KREMEN1: variants seen among roughly 807,000 people sequenced by gnomAD.
KREMEN1 encodes kremen protein 1.
KREMEN1 carries 30 observed loss-of-function variants against 46.5 expected under a neutral mutation model. The observed-to-expected ratio is 0.65, with a 90% CI of 0.48 to 0.88. The LOEUF (loss-of-function observed/expected upper bound fraction) is 0.88, where lower values mean the gene tolerates loss of function less well. Among genes scored for constraint, KREMEN1 ranks in the 40% least tolerant of loss-of-function variants. KREMEN1 has a pLI of 0.00. For synonymous variants in KREMEN1, 214 were observed against 230.6 expected (o/e 0.93, Z 0.65); for missense variants, 533 against 596.9 (o/e 0.89, Z 1.11).
chr22:29,079,708 C>A (rs1192670863), intron 1 of KREMEN1, among the ~76,000 whole-genome samples: 2 of 152,204 alleles, frequency 1.3e-5, no homozygotes, highest in Non-Finnish European at 2.9e-5. Flanking sequence ...TGATTCAGAG[C>A]GGCTGTAGCT....
At chr22:29,153,797 A>T (rs1025227717) in intron 9 of KREMEN1, among the ~76,000 whole-genome samples, 1 of 152,060 alleles carries the variant, frequency 6.6e-6, no homozygotes, top group African/African-American at 2.4e-5. Flanking sequence ...CCTGGCCAAC[A>T]TGTTGAAACC....
rs548088004 is a variant in KREMEN1 at position 29,144,197 on chromosome 22, A to G, written c.*2085A>G. 2.0e-6 allele frequency: 2 copies of G among 985,556 alleles called. No homozygotes were observed. The highest frequency in any genetic ancestry group is 6.1e-5 in the Admixed American group (1 of 16,280). 61.1% of individuals were successfully genotyped at this position (985,556 alleles called of 1,614,324 possible). ...TGCAGCACTTTGCCTACCTCCCCCA[A>G]GCCCTGAGCCACTGCCTGCTGGGGC... On this transcript the variant is annotated 3_prime_UTR_variant, in exon 9 of 9. Coordinates refer to ENST00000400335, the MANE Select transcript of KREMEN1 (RefSeq NM_001039570.3).
rs1440941048 is a variant in KREMEN1, at chr22:29,167,403, C to T, written c.*297C>T. The stretch of plus-strand genomic sequence containing the variant: ...AGAGAAACGGTGTCCTCCGCACAGC[C>T]GGTCAGAACTGTGTGACTCACTTGA... On this transcript the variant is annotated 3_prime_UTR_variant, in exon 10 of 10. Transcript: ENST00000327813. 14 of 394,258 alleles carry T rather than the reference C, an allele frequency of 3.6e-5. 2 individuals are homozygous for T. The highest frequency in any genetic ancestry group is 2.0e-4 in the South Asian group (7 of 34,446). The allele number at this position is 394,258 out of a possible 1,614,324, so 24.4% of individuals were successfully genotyped here. A position where few individuals can be genotyped will look rare whatever the true frequency, so the allele number is the denominator to read the frequency against.
chr22:29,123,608 A>G (rs142345672), intron 4 of KREMEN1, among the ~76,000 whole-genome samples: 4,210 of 152,276 alleles, frequency 0.028, 121 homozygotes, highest in African/African-American at 0.076. Context: ...CCTGGCCAAC[A>G]TGGCAAAACC....
At chr22:29,166,841 G>A (rs2039056649) in intron 9 of KREMEN1, among the ~76,000 whole-genome samples, 1 of 152,180 alleles carries the variant, frequency 6.6e-6, no homozygotes. Flanking sequence ...GCTGAGGCAG[G>A]AAGATCGCTG....
Position 29,146,543 on chromosome 22 carries a change from C to G in KREMEN1, c.*4431C>G, listed in dbSNP as rs1167002409. 14 of 985,690 alleles carry G rather than the reference C, an allele frequency of 1.4e-5. No individual in the cohort carries two copies. The highest frequency in any genetic ancestry group is 1.6e-5 in the Non-Finnish European group (13 of 829,940). 61.1% of individuals were successfully genotyped at this position (985,690 alleles called of 1,614,324 possible). A position where few individuals can be genotyped will look rare whatever the true frequency, so the allele number is the denominator to read the frequency against. On this transcript the variant is annotated 3_prime_UTR_variant, in exon 9 of 9. Coordinates refer to ENST00000400335, the MANE Select transcript of KREMEN1 (RefSeq NM_001039570.3). Reference sequence around the variant, plus strand: ...ATCGTGGGTCTCATGCACGTCAAGACCTTCCCACATCCAAACTCAGCTTCC... The same window carrying G: ...ATCGTGGGTCTCATGCACGTCAAGAGCTTCCCACATCCAAACTCAGCTTCC...
At chr22:29,133,255 A>AG (rs942887945) in intron 5 of KREMEN1, among the ~76,000 whole-genome samples, 24 of 151,096 alleles carry the variant, frequency 1.6e-4, no homozygotes, top group African/African-American at 5.9e-4. Context: ...CTCAAAAAAA[A>AG]AAAAAAGAAA....
At chr22:29,136,561 G>A (rs117943837) in intron 5 of KREMEN1, among the ~76,000 whole-genome samples, 6,487 of 147,216 alleles carry the variant, frequency 0.044, 216 homozygotes, top group Non-Finnish European at 0.071. Flanking sequence ...GGAGACAGAC[G>A]GAGACTCCTT....
intron 3 of KREMEN1, among the ~76,000 whole-genome samples, chr22:29,118,546 G>A (rs546072419): frequency 6.6e-6 from 1 of 152,268 alleles, no homozygotes; most frequent in East Asian, 1.9e-4. Context: ...GCCTGGTGAG[G>A]CCTCTCTTCC....
rs1161045396 is a variant in KREMEN1 at position 29,158,270 on chromosome 22, T to G, written c.1417-8774T>G. The stretch of plus-strand genomic sequence containing the variant: ...CCATGGCAGTAGAGGGACAAAATGA[T>G]GCCGGAGCAAGAGACAGAGTCCCCC... On this transcript the variant is annotated intron_variant, in intron 9 of 9. Coordinates refer to the KREMEN1 transcript ENST00000327813. 2.6e-5 allele frequency among the ~76,000 whole-genome samples: 4 copies of G among 152,282 alleles called. 1 individual carries two copies. The Middle Eastern group carries it at 0.01, about 388-fold the overall frequency.
chr22:29,160,710 C>T (rs1032759462), intron 9 of KREMEN1, among the ~76,000 whole-genome samples: 1 of 152,120 alleles, frequency 6.6e-6, no homozygotes, highest in Non-Finnish European at 1.5e-5. Flanking sequence ...ATACCAAAAT[C>T]TCTGGGATGC....
At chr22:29,083,063 C>A (rs2037680307) in intron 1 of KREMEN1, among the ~76,000 whole-genome samples, 1 of 152,112 alleles carries the variant, frequency 6.6e-6, no homozygotes, top group Non-Finnish European at 1.5e-5. Context: ...TGCCGCCACG[C>A]CTGGCTAATT....
rs953004115 is a variant in KREMEN1, at chr22:29,144,784, C to G, written c.*2672C>G. On this transcript the variant is annotated 3_prime_UTR_variant, in exon 9 of 9. Transcript: ENST00000400335. ...ACTGGCCTCTGGGGTGTCCTGCAGC[C>G]CAAATGCCCACCTTGCCCTCCTCAC... is the stretch of plus-strand genomic sequence containing the variant. The G allele has an allele frequency of 1.0e-6, 1 of 985,396 alleles. No individual in the cohort carries two copies. Among genetic ancestry groups the G allele is most frequent in the Admixed American group, 6.1e-5 (1 of 16,278 alleles). The allele number at this position is 985,396 out of a possible 1,614,324, so 61.0% of individuals were successfully genotyped here.
At chr22:29,159,479 T>C (rs889825249) in intron 9 of KREMEN1, among the ~76,000 whole-genome samples, 1 of 151,562 alleles carries the variant, frequency 6.6e-6, no homozygotes, top group African/African-American at 2.4e-5. Context: ...ATTAGCCAGG[T>C]GTGGTGGCGC....
intron 9 of KREMEN1, among the ~76,000 whole-genome samples, chr22:29,156,563 GA>G (rs1569342208): frequency 5.3e-5 from 8 of 151,782 alleles, no homozygotes; most frequent in African/African-American, 1.7e-4. Context: ...CTCCGCACAG[GA>G]ATGCTCTCCG....
intron 4 of KREMEN1, among the ~76,000 whole-genome samples, chr22:29,124,913 C>G (rs1421483500): frequency 1.3e-5 from 2 of 152,156 alleles, no homozygotes; most frequent in Admixed American, 6.5e-5. Flanking sequence ...TGAGGGTTAG[C>G]TATAAAGCAC....
At chr22:29,134,715 A>G (rs2038629587) in intron 5 of KREMEN1, among the ~76,000 whole-genome samples, 1 of 152,036 alleles carries the variant, frequency 6.6e-6, no homozygotes, top group Non-Finnish European at 1.5e-5. Flanking sequence ...AAGTTGAGCT[A>G]GGTTGTTTCT....
At chr22:29,083,398 A>T (rs1389274798) in intron 1 of KREMEN1, among the ~76,000 whole-genome samples, 1 of 152,200 alleles carries the variant, frequency 6.6e-6, no homozygotes, top group Non-Finnish European at 1.5e-5. Context: ...TAATCTCTAC[A>T]TATTATAGAC....
intron 1 of KREMEN1, among the ~76,000 whole-genome samples, chr22:29,082,775 G>C (rs1215581874): frequency 6.6e-6 from 1 of 152,140 alleles, no homozygotes; most frequent in Non-Finnish European, 1.5e-5. Flanking sequence ...CAAAACCTCT[G>C]GTTTCTATAG....
Sources: gnomAD v4.1 joint callset for allele counts (sites outside exome capture counted in the v4.1 genomes callset) on GRCh38, gnomAD v4.1.1 for gene constraint, MANE v1.5 for transcripts, NCBI Gene and HGNC (gene_info 2026-07-23, HGNC 2026-07-21) for gene names.